DMBT1: variants seen among roughly 807,000 people sequenced by gnomAD.
DMBT1 encodes the protein scavenger receptor cysteine-rich domain-containing protein DMBT1.
DMBT1 carries 198 observed loss-of-function variants against 252.9 expected under a neutral mutation model. The observed-to-expected ratio is 0.78, with a 90% CI of 0.70 to 0.88. The LOEUF (loss-of-function observed/expected upper bound fraction) is 0.88, where lower values mean the gene tolerates loss of function less well. Among genes scored for constraint, DMBT1 ranks in the 40% least tolerant of loss-of-function variants. The probability of loss-of-function intolerance (pLI) is 0.00; values close to 1 mark genes in which losing one functional copy is unlikely to be tolerated. For synonymous variants in DMBT1, 990 were observed against 942.7 expected, an observed-to-expected ratio of 1.05 and a Z score of -0.92; for missense variants, 2,432 against 2,404.7, an observed-to-expected ratio of 1.01 and a Z score of -0.24.
intron 6 of DMBT1, among the ~76,000 whole-genome samples, chr10:122,575,786 T>C (rs2097706813): frequency 6.6e-6 from 1 of 152,206 alleles, no homozygotes; most frequent in Non-Finnish European, 1.5e-5. Context: ...TCATTGCCCA[T>C]GTTCCTGGAG....
At chr10:122,599,128 T>C (rs1233883698) in intron 26 of DMBT1, 31 bp downstream of exon 26, 6 of 1,613,616 alleles carry the variant, frequency 3.7e-6, no homozygotes, top group Admixed American at 3.3e-5. Context: ...GATCACTCTC[T>C]TGGGGTGGAG....
chr10:122,577,962 A>C, intron 8 of DMBT1, 122 bp downstream of exon 8: 1 of 1,060,756 alleles, frequency 9.4e-7, no homozygotes, highest in Non-Finnish European at 1.4e-6. Flanking sequence ...TTCACCCCCA[A>C]CTCTGTAACT....
intron 54 of DMBT1, among the ~76,000 whole-genome samples, chr10:122,638,287 A>C (rs932534820): frequency 3.3e-5 from 5 of 151,794 alleles, no homozygotes; most frequent in South Asian, 2.1e-4. Context: ...AGGGCCCTTC[A>C]CACCCATTCA....
In DMBT1 at chr10:122,579,698, A is replaced by G; in HGVS notation, c.800A>G (p.Asp267Gly). ...TGTGATGACTACTGGGACACCAATG[A>G]TGCCAATGTGGTCTGCAGGCAGCTG... ...TVCDDYWDTN[D>G]ANVVCRQLGC... Residue 267 changes from aspartate to glycine, a missense_variant, in exon 10 of 56, where the codon GAT becomes GGT. Physicochemically the swap from Asp to Gly is moderately conservative, Grantham distance 94. This residue lies in a region of DMBT1 where 1,264 missense variants were observed against 1,082.2 expected (regional missense o/e 1.17). Transcript: ENST00000338354. 1 of 1,613,902 alleles carries G rather than the reference A, an allele frequency of 6.2e-7. No individual in the cohort carries two copies. The highest frequency in any genetic ancestry group is 2.2e-5 in the East Asian group (1 of 44,862).
Position 122,617,963 on chromosome 10 carries a change from A to G in DMBT1, c.4892-54A>G, listed in dbSNP as rs2098013474. On this transcript the variant is annotated intron_variant, in intron 40 of 55. Coordinates refer to ENST00000338354, the MANE Select transcript of DMBT1 (RefSeq NM_001377530.1). ...GTACCCTGAGTGTGGAACTTGCCTT[A>G]GATTGTTGACCTCCTGGTGGGGATG... The G allele has an allele frequency of 1.9e-6, 3 of 1,605,086 alleles. No homozygotes were observed. The South Asian group carries it at 3.4e-5, about 18-fold the overall frequency.
At chr10:122,598,383 G>A (rs777674770) in intron 25 of DMBT1, among the ~76,000 whole-genome samples, 4 of 152,192 alleles carry the variant, frequency 2.6e-5, no homozygotes, top group Non-Finnish European at 5.9e-5. Context: ...TCTGGCCAAG[G>A]CCTTGTCATA....
At position 122,578,682 on chromosome 10, in the gene DMBT1, T is replaced by C. The variant is rs375248429; in HGVS notation, c.638-36T>C. 118 of 1,580,436 alleles carry C rather than the reference T, an allele frequency of 7.5e-5. No individual in the cohort carries two copies. In the African/African-American group the frequency reaches 1.3e-3, roughly 18 times the overall value. On this transcript the variant is annotated intron_variant, in intron 8 of 55. Coordinates refer to ENST00000338354, the MANE Select transcript of DMBT1 (RefSeq NM_001377530.1). Reference sequence around the variant, plus strand: ...TGTTTTTTACCTTTTTCCCTTCAAGTCCAATTGTATCCTTTCTCTTTGTTG... The same window carrying C: ...TGTTTTTTACCTTTTTCCCTTCAAGCCCAATTGTATCCTTTCTCTTTGTTG...
At position 122,589,314 on chromosome 10, in the gene DMBT1, C is replaced by T. The variant is rs761972672; in HGVS notation, c.2107+47C>T. 3 of 1,585,546 alleles carry T rather than the reference C, an allele frequency of 1.9e-6. No homozygotes were observed. The African/African-American group carries it at 4.0e-5, about 21-fold the overall frequency. On this transcript the variant is annotated intron_variant, in intron 17 of 55. Transcript: ENST00000338354. Reference sequence around the variant, plus strand: ...TTTCCTCTCTTGGGGTAGATTTTGCCCAGGAAGAGAGGTCTTATGTTCTAA... The same window carrying T: ...TTTCCTCTCTTGGGGTAGATTTTGCTCAGGAAGAGAGGTCTTATGTTCTAA...
chr10:122,597,373 C>T (rs1327590888), intron 24 of DMBT1, among the ~76,000 whole-genome samples: 1 of 152,152 alleles, frequency 6.6e-6, no homozygotes, highest in Non-Finnish European at 1.5e-5. Flanking sequence ...ATATGACCTT[C>T]CTGAGAATTG....
intron 27 of DMBT1, among the ~76,000 whole-genome samples, chr10:122,600,780 G>A (rs376740927): frequency 6.6e-6 from 1 of 152,192 alleles, no homozygotes; most frequent in Non-Finnish European, 1.5e-5. Context: ...CCCAGGATTA[G>A]AGAAATGGAG....
Position 122,600,082 on chromosome 10 carries a change from C to T in DMBT1, c.3299C>T (p.Thr1100Ile), listed in dbSNP as rs1166331641. 14 of 1,607,232 alleles carry T rather than the reference C, an allele frequency of 8.7e-6. No individual in the cohort carries two copies. Among genetic ancestry groups the T allele is most frequent in the Non-Finnish European group, 1.2e-5 (14 of 1,178,248 alleles). Residue 1100 changes from threonine (T) to isoleucine (I), a missense_variant, in exon 27 of 56, where the codon ACA becomes ATA. Thr to Ile is a moderately conservative substitution (Grantham distance 89). Transcript: ENST00000338354. ...VICSASQSRPTPSPDTWPTSH... is the reference protein window; with the variant it reads ...VICSASQSRPIPSPDTWPTSH... ...CTCACAGCTTCCCAGTCCCGGCCAA[C>T]ACCTAGTCCAGGTGGGTCCCCAGTG...
intron 3 of DMBT1, 63 bp downstream of exon 3, chr10:122,570,272 C>G: frequency 7.5e-7 from 1 of 1,325,894 alleles, no homozygotes. Context: ...AGGTTCATCT[C>G]TGATCCAGAA....
intron 54 of DMBT1, among the ~76,000 whole-genome samples, chr10:122,637,561 G>C (rs1274826774): frequency 6.6e-6 from 1 of 152,192 alleles, no homozygotes; most frequent in Non-Finnish European, 1.5e-5. Context: ...CTGGCAGACC[G>C]CCACTCCCAT....
At chr10:122,628,498 T>C (rs998529607) in intron 46 of DMBT1, among the ~76,000 whole-genome samples, 3 of 151,958 alleles carry the variant, frequency 2.0e-5, no homozygotes, top group Non-Finnish European at 2.9e-5. Context: ...TAGCTGGGCA[T>C]AGTGGTGGGC....
At position 122,629,829 on chromosome 10, in the gene DMBT1, C is replaced by G. The variant is rs780925250; in HGVS notation, c.5669-11C>G. 5.0e-6 allele frequency: 8 copies of G among 1,612,888 alleles called. No homozygotes were observed. Among genetic ancestry groups the G allele is most frequent in the Non-Finnish European group, 3.4e-6 (4 of 1,179,482 alleles). On this transcript the variant is annotated splice_polypyrimidine_tract_variant and intron_variant, in intron 46 of 55. Transcript: ENST00000338354. ...CTGGTACAATGGAGATGTCCCCTCT[C>G]TCCTCTCTAGGACCCTCTTCAAATT...
At chr10:122,573,614 C>T (rs1022595257) in intron 5 of DMBT1, 101 bp from the exon 6 acceptor site, 4 of 1,418,550 alleles carry the variant, frequency 2.8e-6, no homozygotes, top group Non-Finnish European at 2.0e-6. Context: ...GCCCTTAGGA[C>T]CTGTGCTTCC....
chr10:122,597,831 A>C (rs888486234), intron 24 of DMBT1, 143 bp from the exon 25 acceptor site: 1 of 1,234,100 alleles, frequency 8.1e-7, no homozygotes. Flanking sequence ...TGAGCTGCAG[A>C]CTTGGGCAGA....
chr10:122,631,064 C>T lies in DMBT1; in HGVS notation c.6129C>T (p.Ser2043=), dbSNP rs765309747. The change falls in exon 49 of 56, where the codon TCC becomes TCT. Residue 2043 remains serine (S), a synonymous_variant. Transcript: ENST00000338354. ...GGTWGTVCDD[S]WTIQEAEVVC... ...CCTGGGGGACAGTTTGTGATGACTC[C>T]TGGACCATTCAGGAAGCTGAGGTGG... The T allele has an allele frequency of 1.9e-6, 3 of 1,613,972 alleles. No individual in the cohort carries two copies. In the East Asian group the frequency reaches 6.7e-5, roughly 36 times the overall value.
intron 2 of DMBT1, 115 bp downstream of exon 2, chr10:122,566,111 C>G (rs1343131505): frequency 1.3e-5 from 14 of 1,118,466 alleles, no homozygotes; most frequent in Non-Finnish European, 1.7e-5. Flanking sequence ...CCTGCCTTGT[C>G]GAATGCAGGA....
Sources: allele counts gnomAD v4.1 joint callset (sites outside exome capture counted in the v4.1 genomes callset), GRCh38; gene constraint gnomAD v4.1.1; regional missense constraint gnomAD v4.1.1; transcripts MANE v1.5; gene names NCBI Gene and HGNC (gene_info 2026-07-23, HGNC 2026-07-21).